ABLIM1: variants seen among roughly 807,000 people sequenced by gnomAD.
ABLIM1 encodes the protein actin binding LIM protein 1.
In ABLIM1, 40 loss-of-function variants were observed where a neutral mutation model predicts 107.0. The observed-to-expected ratio is 0.37, with a 90% CI of 0.29 to 0.49. ABLIM1 has a LOEUF of 0.49. Among genes scored for constraint, ABLIM1 ranks in the 20% least tolerant of loss-of-function variants. ABLIM1 has a pLI of 0.97. For synonymous variants in ABLIM1, 357 were observed against 357.3 expected (o/e 1.00, Z 0.01); for missense variants, 857 against 1,008.5 (o/e 0.85, Z 2.04).
chr10:114,641,107 C>T (rs2497683), intron 1 of ABLIM1, among the ~76,000 whole-genome samples: 2,901 of 151,994 alleles, frequency 0.019, 84 homozygotes, highest in African/African-American at 0.066. Flanking sequence ...TTCAAAAGCA[C>T]TTGAAGGTAT....
At chr10:114,767,905 C>T in intron 1 of ABLIM1, among the ~76,000 whole-genome samples, 1 of 152,120 alleles carries the variant, frequency 6.6e-6, no homozygotes, top group Admixed American at 6.5e-5. Flanking sequence ...GGCTTCCTTC[C>T]CCTGCCCCCG....
intron 8 of ABLIM1, chr10:114,485,290 T>C (rs770066472): frequency 1.9e-6 from 3 of 1,604,238 alleles, no homozygotes; most frequent in African/African-American, 1.3e-5. Context: ...CTAGACACAA[T>C]GCCAACCTGC....
Position 114,523,859 on chromosome 10 carries a change from T to C in ABLIM1, c.894+21146A>G, listed in dbSNP as rs938253235. On this transcript the variant is annotated intron_variant, in intron 6 of 22. Transcript: ENST00000533213. ...CACTGTGCTATATCCTGGGGGCAAA[T>C]AGACCTAAAATGCTCACATTTGCTG... Among the ~76,000 whole-genome samples the C allele has an allele frequency of 4.6e-5, 7 of 152,148 alleles. No individual in the cohort carries two copies. In the South Asian group the frequency reaches 6.2e-4, roughly 14 times the overall value.
intron 2 of ABLIM1, among the ~76,000 whole-genome samples, chr10:114,597,616 T>C (rs1254542988): frequency 6.6e-6 from 1 of 151,498 alleles, no homozygotes; most frequent in African/African-American, 2.4e-5. Flanking sequence ...AGAAAATAAA[T>C]GAAAAGAAAA....
Position 114,473,956 on chromosome 10 carries a change from G to A in ABLIM1, c.1042C>T (p.Pro348Ser). 1 of 1,612,894 alleles carries A rather than the reference G, an allele frequency of 6.2e-7. No individual in the cohort carries two copies. Among genetic ancestry groups the A allele is most frequent in the Non-Finnish European group, 8.5e-7 (1 of 1,179,200 alleles). The change falls in exon 9 of 23, where the codon CCT (proline) becomes TCT (serine). Residue 348 changes from proline to serine, a missense_variant and splice_region_variant. By Grantham distance (74) the Pro-to-Ser change is moderately conservative (BLOSUM62 -1). Around this residue, in one of 5 missense-constraint regions of ABLIM1, gnomAD observed 381 missense variants for 506.9 expected, o/e 0.75. Transcript: ENST00000533213. ...QSTKTEEKLR[P>S]TRTSSESIYS... Reference sequence around the variant, plus strand: ...ATACTTTCCGAGGATGTCCTGGTAGGCTGTAAAATAAACAGTGACTTGTAA... The same window carrying A: ...ATACTTTCCGAGGATGTCCTGGTAGACTGTAAAATAAACAGTGACTTGTAA...
At chr10:114,557,671 G>GTTTTGTTTTTTT (rs1555173409) in intron 4 of ABLIM1, among the ~76,000 whole-genome samples, 1 of 72,476 alleles carries the variant, frequency 1.4e-5, no homozygotes, top group Non-Finnish European at 2.4e-5. Flanking sequence ...ATAGTGAGGT[G>GTTTTGTTTTTTT]TTTTTTTTTT....
At chr10:114,463,153 G>A (rs2064313024) in intron 12 of ABLIM1, 1 of 1,304,378 alleles carries the variant, frequency 7.7e-7, no homozygotes. Context: ...TGCACACCAG[G>A]AGACAAAAGC....
chr10:114,764,133 T>C (rs946777013), intron 1 of ABLIM1, among the ~76,000 whole-genome samples: 4 of 152,302 alleles, frequency 2.6e-5, no homozygotes, highest in South Asian at 2.1e-4. Flanking sequence ...TAGCTGGTAA[T>C]TCAAAAATCA....
chr10:114,766,488 C>A (rs922143742), intron 1 of ABLIM1, among the ~76,000 whole-genome samples: 13 of 152,170 alleles, frequency 8.5e-5, no homozygotes, highest in African/African-American at 3.1e-4. Context: ...ATCTTCATTT[C>A]ACATCCTCAG....
At chr10:114,559,637 G>A in intron 4 of ABLIM1, among the ~76,000 whole-genome samples, 2 of 152,126 alleles carry the variant, frequency 1.3e-5, no homozygotes, top group East Asian at 3.9e-4. Flanking sequence ...TGTGGGCTTA[G>A]AGCAGTTCTC....
chr10:114,626,065 A>G (rs1243965131), intron 1 of ABLIM1, among the ~76,000 whole-genome samples: 2 of 152,234 alleles, frequency 1.3e-5, no homozygotes, highest in Non-Finnish European at 2.9e-5. Context: ...AGAACCCCGC[A>G]TGACAAGCAG....
rs1172100700 is a variant in ABLIM1 at position 114,542,287 on chromosome 10, T to C, written c.894+2718A>G. 2.0e-5 allele frequency among the ~76,000 whole-genome samples: 3 copies of C among 151,716 alleles called. No homozygotes were observed. The East Asian group carries it at 5.8e-4, about 29-fold the overall frequency. ...TCAGTTGGGTGTGATGGCATGCACC[T>C]GTAGTCCCAGCTACTCAGGGGGCTG... On this transcript the variant is annotated intron_variant, in intron 6 of 22. Coordinates refer to ENST00000533213, the MANE Select transcript of ABLIM1 (RefSeq NM_002313.7).
the ABLIM1 span, among the ~76,000 whole-genome samples, chr10:114,782,990 G>A: frequency 3.3e-5 from 5 of 152,078 alleles, no homozygotes; most frequent in East Asian, 7.7e-4. Context: ...GATAAGAAAG[G>A]GAAAGGTTTG....
At chr10:114,535,067 A>C (rs1191234993) in intron 6 of ABLIM1, among the ~76,000 whole-genome samples, 1 of 152,226 alleles carries the variant, frequency 6.6e-6, no homozygotes, top group African/African-American at 2.4e-5. Flanking sequence ...TCCCAACCTG[A>C]TAGCCATGAA....
At chr10:114,687,171 A>G (rs1194407583), upstream of ABLIM1, among the ~76,000 whole-genome samples, 1 of 152,216 alleles carries the variant, frequency 6.6e-6, no homozygotes, top group African/African-American at 2.4e-5. Flanking sequence ...TTTCTTAACC[A>G]TGGACTTACT....
chr10:114,784,536 G>A, the ABLIM1 span, among the ~76,000 whole-genome samples: 9 of 150,030 alleles, frequency 6.0e-5, no homozygotes, highest in South Asian at 2.1e-4. Context: ...GCGTGGTGGC[G>A]GGCGCCTGTA....
intron 4 of ABLIM1, 48 bp downstream of exon 4, chr10:114,571,249 C>A: frequency 6.4e-7 from 1 of 1,561,856 alleles, no homozygotes; most frequent in South Asian, 1.1e-5. Context: ...CCTGAGCTAC[C>A]TCTGGACTAC....
At chr10:114,637,924 G>T (rs947426065) in intron 1 of ABLIM1, among the ~76,000 whole-genome samples, 2 of 152,198 alleles carry the variant, frequency 1.3e-5, no homozygotes, top group Non-Finnish European at 2.9e-5. Context: ...TAGAAATCCA[G>T]TTATTGGGAT....
At chr10:114,536,397 G>C (rs1179547637) in intron 6 of ABLIM1, among the ~76,000 whole-genome samples, 1 of 151,620 alleles carries the variant, frequency 6.6e-6, no homozygotes, top group African/African-American at 2.4e-5. Flanking sequence ...ACAGGTAACT[G>C]CCACCACGCC....
Sources: gnomAD v4.1 joint callset for allele counts (sites outside exome capture counted in the v4.1 genomes callset) on GRCh38, gnomAD v4.1.1 for gene constraint, gnomAD v4.1.1 regional missense constraint, MANE v1.5 for transcripts, NCBI Gene and HGNC (gene_info 2026-07-23, HGNC 2026-07-21) for gene names.